ANK3: variants seen among roughly 807,000 people sequenced by gnomAD.
ANK3 encodes the protein ankyrin-3.
A neutral mutation model predicts 370.9 loss-of-function variants in ANK3; 57 were observed. That is an observed-to-expected ratio of 0.15 (90% CI 0.12 to 0.19). The LOEUF is 0.19. Among genes scored for constraint, ANK3 ranks in the 10% least tolerant of loss-of-function variants. The probability of loss-of-function intolerance (pLI) is 1.00; values close to 1 mark genes in which losing one functional copy is unlikely to be tolerated. For synonymous variants in ANK3, 1,929 were observed against 1,946.3 expected (o/e 0.99, Z 0.23); for missense variants, 4,439 against 5,302.1 (o/e 0.84, Z 5.06).
chr10:60,500,514 C>T (rs1248207272), intron 2 of ANK3, among the ~76,000 whole-genome samples: 2 of 152,130 alleles, frequency 1.3e-5, no homozygotes, highest in South Asian at 4.1e-4. Flanking sequence ...AGTTGCTTAA[C>T]CTACTCTAGG....
chr10:60,038,994 G>A (rs1188498705), intron 43 of ANK3, among the ~76,000 whole-genome samples: 1 of 152,140 alleles, frequency 6.6e-6, no homozygotes, highest in Non-Finnish European at 1.5e-5. Flanking sequence ...CAAAGTCTAA[G>A]TACATTCTTA....
rs140624643 is a variant in ANK3, at chr10:60,478,324, A to C, written c.96+136862T>G. The stretch of plus-strand genomic sequence containing the variant: ...CTGATTTTGTTCGTAACAGTCACAT[A>C]TTTTTCTGCAATGCTAAAAAAATCT... On this transcript the variant is annotated intron_variant, in intron 2 of 43. Transcript: ENST00000373827. Among the ~76,000 whole-genome samples, 197 of 152,124 alleles carry C rather than the reference A, an allele frequency of 1.3e-3. 4 individuals carry two copies. Among genetic ancestry groups the C allele is most frequent in the African/African-American group, 4.6e-3 (190 of 41,544 alleles).
At chr10:60,291,476 G>A (rs145459490) in intron 1 of ANK3, among the ~76,000 whole-genome samples, 1 of 152,212 alleles carries the variant, frequency 6.6e-6, no homozygotes, top group East Asian at 1.9e-4. Flanking sequence ...TCACTACGCT[G>A]TATTAGGCAG....
chr10:60,107,154 T>C (rs767750576), intron 27 of ANK3, among the ~76,000 whole-genome samples: 18 of 152,198 alleles, frequency 1.2e-4, no homozygotes, highest in Non-Finnish European at 4.4e-5. Flanking sequence ...AGCAAAATCA[T>C]AATTCATTCA....
At chr10:60,077,166 G>A (rs769655842) in intron 36 of ANK3, among the ~76,000 whole-genome samples, 7 of 152,068 alleles carry the variant, frequency 4.6e-5, no homozygotes, top group Non-Finnish European at 1.0e-4. Context: ...GCCAATAAGA[G>A]CAAGAAGTTT....
intron 8 of ANK3, among the ~76,000 whole-genome samples, chr10:60,231,724 A>C (rs904558911): frequency 6.6e-6 from 1 of 152,214 alleles, no homozygotes; most frequent in Non-Finnish European, 1.5e-5. Context: ...TTTCAGGTAT[A>C]TACTATAATT....
chr10:60,085,290 G>T, intron 30 of ANK3, 37 bp from the exon 31 acceptor site: 3 of 1,511,654 alleles, frequency 2.0e-6, no homozygotes, highest in East Asian at 2.3e-5. Context: ...ACTTTATCAT[G>T]GGAGATGCTC....
At chr10:60,683,816 A>G (rs948430060) in intron 1 of ANK3, among the ~76,000 whole-genome samples, 3 of 152,222 alleles carry the variant, frequency 2.0e-5, no homozygotes, top group African/African-American at 7.2e-5. Flanking sequence ...CTGTCCATAC[A>G]TGACAACCAC....
At chr10:60,264,851 A>G (rs187148990) in intron 5 of ANK3, among the ~76,000 whole-genome samples, 40 of 152,270 alleles carry the variant, frequency 2.6e-4, no homozygotes, top group Non-Finnish European at 5.4e-4. Flanking sequence ...TGAAAGATCT[A>G]TAGAGGCTAA....
At chr10:60,431,490 C>T (rs1292540036) in intron 2 of ANK3, among the ~76,000 whole-genome samples, 3 of 152,138 alleles carry the variant, frequency 2.0e-5, no homozygotes, top group Non-Finnish European at 4.4e-5. Context: ...TCCTAACAGG[C>T]CACAGACCAC....
intron 26 of ANK3, 106 bp downstream of exon 26, chr10:60,114,119 A>G: frequency 2.0e-6 from 1 of 489,966 alleles, no homozygotes; most frequent in Non-Finnish European, 3.6e-6. Flanking sequence ...TTCATACATG[A>G]ATGTATTCAT....
intron 2 of ANK3, among the ~76,000 whole-genome samples, chr10:60,514,059 A>G (rs1352744272): frequency 2.0e-5 from 3 of 152,136 alleles, no homozygotes; most frequent in African/African-American, 7.2e-5. Context: ...CTTCCTCTCA[A>G]TGAATAGTAA....
chr10:60,224,913 C>CTT (rs912364137), intron 8 of ANK3, among the ~76,000 whole-genome samples: 1 of 144,658 alleles, frequency 6.9e-6, no homozygotes, highest in Non-Finnish European at 1.5e-5. Context: ...CTTTTTCTTT[C>CTT]TTTTTTTTTT....
intron 1 of ANK3, among the ~76,000 whole-genome samples, chr10:60,368,773 C>T (rs750501726): frequency 6.6e-6 from 1 of 152,118 alleles, no homozygotes; most frequent in African/African-American, 2.4e-5. Context: ...TCCCCATTCA[C>T]GTACTTCTGA....
chr10:60,731,129 C>T (rs577907653), intron 1 of ANK3, among the ~76,000 whole-genome samples: 6 of 152,196 alleles, frequency 3.9e-5, no homozygotes, highest in Admixed American at 2.6e-4. Context: ...CTGGGGAAAA[C>T]TGCTGAGAGT....
At chr10:60,497,901 C>T (rs973250254) in intron 2 of ANK3, among the ~76,000 whole-genome samples, 1 of 152,086 alleles carries the variant, frequency 6.6e-6, no homozygotes, top group Non-Finnish European at 1.5e-5. Context: ...TTCATTTTAC[C>T]CCTGTATCTC....
Position 60,517,793 on chromosome 10 carries a change from T to C in ANK3, c.96+97393A>G, listed in dbSNP as rs536925794. Among the ~76,000 whole-genome samples the C allele has an allele frequency of 5.0e-5, 7 of 139,362 alleles. No homozygotes were observed. In the South Asian group the frequency reaches 1.8e-3, roughly 35 times the overall value. The allele number at this position is 139,362 out of a possible 152,430, so 91.4% of individuals were successfully genotyped here. ...GAGAGAGACAGAAGTGCGCTCTGTA[T>C]AAAACAAGATGACTCTCCCAGGGTA... On this transcript the variant is annotated intron_variant, in intron 2 of 43. Transcript: ENST00000373827.
chr10:60,335,137 G>A (rs1374908436), intron 1 of ANK3, among the ~76,000 whole-genome samples: 1 of 152,040 alleles, frequency 6.6e-6, no homozygotes, highest in African/African-American at 2.4e-5. Flanking sequence ...TAGAAAAAAT[G>A]ATTACAATCC....
At chr10:60,061,339 CAAA>C in intron 40 of ANK3, among the ~76,000 whole-genome samples, 1 of 152,202 alleles carries the variant, frequency 6.6e-6, no homozygotes, top group South Asian at 2.1e-4. Context: ...GATACAGCAA[CAAA>C]AAGCCATTTC....
Sources: gnomAD v4.1 joint callset for allele counts (sites outside exome capture counted in the v4.1 genomes callset) on GRCh38, gnomAD v4.1.1 for gene constraint, MANE v1.5 for transcripts, NCBI Gene and HGNC (gene_info 2026-07-23, HGNC 2026-07-21) for gene names.